PEX14: variants seen among roughly 807,000 people sequenced by gnomAD.
PEX14 encodes the protein peroxisomal biogenesis factor 14, also known as peroxisomal membrane protein PEX14.
In PEX14, 15 loss-of-function variants were observed where a neutral mutation model predicts 49.5. The ratio of observed to expected loss-of-function variants is 0.30; its 90% confidence interval spans 0.20 to 0.47. The LOEUF (loss-of-function observed/expected upper bound fraction) is 0.47. Among genes scored for constraint, PEX14 ranks in the 20% least tolerant of loss-of-function variants. PEX14 has a pLI of 1.00. For synonymous variants in PEX14, 210 were observed against 212.7 expected (o/e 0.99, Z 0.11); for missense variants, 398 against 494.8 (o/e 0.80, Z 1.86).
intron 3 of PEX14, among the ~76,000 whole-genome samples, chr1:10,561,356 C>T (rs1264075643): frequency 1.2e-4 from 19 of 152,198 alleles, no homozygotes; most frequent in Admixed American, 1.2e-3. Context: ...TAGAACTGCC[C>T]TCTTGTCTCT....
At chr1:10,617,052 G>A (rs1466504427) in intron 4 of PEX14, 1 of 152,130 alleles carries the variant, frequency 6.6e-6, no homozygotes, top group Non-Finnish European at 1.5e-5. Flanking sequence ...CTGATCAGCA[G>A]TGGGACATGC....
intron 4 of PEX14, chr1:10,616,913 C>T (rs1384112218): frequency 6.6e-6 from 1 of 152,068 alleles, no homozygotes; most frequent in African/African-American, 2.4e-5. Flanking sequence ...TCCAGGAGTT[C>T]CGGGCTACGG....
At chr1:10,507,845 C>T (rs1435743717) in intron 2 of PEX14, among the ~76,000 whole-genome samples, 2 of 152,220 alleles carry the variant, frequency 1.3e-5, no homozygotes, top group Non-Finnish European at 2.9e-5. Context: ...CCACAAATTC[C>T]TCATTGTCAG....
chr1:10,579,860 G>T (rs573631993), intron 3 of PEX14, among the ~76,000 whole-genome samples: 1 of 151,898 alleles, frequency 6.6e-6, no homozygotes, highest in East Asian at 2.0e-4. Flanking sequence ...CCTGTATTTT[G>T]TGCCGACTTT....
At chr1:10,584,791 G>A (rs1329836798) in intron 3 of PEX14, among the ~76,000 whole-genome samples, 1 of 152,150 alleles carries the variant, frequency 6.6e-6, no homozygotes, top group African/African-American at 2.4e-5. Flanking sequence ...AAACACTAAA[G>A]GAGTTTTCAG....
At chr1:10,513,184 A>C (rs1641914232) in intron 2 of PEX14, among the ~76,000 whole-genome samples, 1 of 152,140 alleles carries the variant, frequency 6.6e-6, no homozygotes, top group Admixed American at 6.5e-5. Flanking sequence ...GATGGCTGTG[A>C]GTTTTGAAAG....
rs550006709 is a variant in PEX14 at position 10,597,388 on chromosome 1, C to T, written c.170-1850C>T. ...AAAGGGGTTCCCCTTCCTGTTTAGT[C>T]GGAGCGATCGGCAGTCACTACACAG... On this transcript the variant is annotated intron_variant, in intron 3 of 8. Transcript: ENST00000356607. This position sits in a 1 kb window ranked among gnomAD's most constrained non-coding sequence, Gnocchi z 5.7. 7.2e-5 allele frequency among the ~76,000 whole-genome samples: 11 copies of T among 152,278 alleles called. No homozygotes were observed. In the South Asian group the frequency reaches 1.9e-3, roughly 26 times the overall value.
intron 3 of PEX14, among the ~76,000 whole-genome samples, chr1:10,555,327 C>T (rs956934332): frequency 6.6e-6 from 1 of 152,096 alleles, no homozygotes; most frequent in Non-Finnish European, 1.5e-5. Context: ...ACTCTTCAGA[C>T]ACTCACTCGA....
At chr1:10,537,351 C>CCCCG (rs1312415241) in intron 3 of PEX14, among the ~76,000 whole-genome samples, 1 of 96,514 alleles carries the variant, frequency 1.0e-5, no homozygotes, top group African/African-American at 3.8e-5. Flanking sequence ...ACCCCCCCCC[C>CCCCG]CCGCCATCAT....
chr1:10,521,754 G>A (rs1439308740), intron 2 of PEX14, among the ~76,000 whole-genome samples: 2 of 152,180 alleles, frequency 1.3e-5, no homozygotes, highest in African/African-American at 4.8e-5. Context: ...GTGAGGTTGA[G>A]TGAATACCAT....
Position 10,629,918 on chromosome 1 carries a change from G to A in PEX14, c.1065G>A (p.Gly355=). Residue 355 remains glycine (G), a synonymous_variant, in exon 9 of 9, where the codon GGG becomes GGA. Coordinates refer to ENST00000356607, the MANE Select transcript of PEX14 (RefSeq NM_004565.3). The surrounding 1 kb of genome is among the most constrained non-coding windows in gnomAD (Gnocchi z 8.5). ...VQREDRRGGD[G]QINEQVEKLR... ...GGGAGGACCGCCGGGGCGGGGATGG[G>A]CAGATCAACGAGCAGGTGGAGAAGC... 7 of 1,613,220 alleles carry A rather than the reference G, an allele frequency of 4.3e-6. No homozygotes were observed. Among genetic ancestry groups the A allele is most frequent in the Non-Finnish European group, 5.9e-6 (7 of 1,179,860 alleles).
chr1:10,581,679 A>AT (rs767831917), intron 3 of PEX14, among the ~76,000 whole-genome samples: 77 of 151,150 alleles, frequency 5.1e-4, no homozygotes, highest in Non-Finnish European at 8.1e-4. Flanking sequence ...AATAATTGGG[A>AT]TTTTTTAATT....
chr1:10,510,123 C>T (rs903175686), intron 2 of PEX14, among the ~76,000 whole-genome samples: 2 of 152,094 alleles, frequency 1.3e-5, no homozygotes, highest in Non-Finnish European at 2.9e-5. Flanking sequence ...TTGACTAGAT[C>T]GATCCTTTCC....
At chr1:10,603,307 A>T (rs1421858204) in intron 4 of PEX14, among the ~76,000 whole-genome samples, 1 of 152,244 alleles carries the variant, frequency 6.6e-6, no homozygotes, top group East Asian at 1.9e-4. Context: ...GAAAGATAAG[A>T]TAAACTCTTA....
At chr1:10,520,148 C>CTTCTTTTTTTT (rs1553185419) in intron 2 of PEX14, among the ~76,000 whole-genome samples, 2 of 69,158 alleles carry the variant, frequency 2.9e-5, no homozygotes, top group African/African-American at 8.5e-5. Context: ...CCTTCTTCTT[C>CTTCTTTTTTTT]TTTTTTTTTT....
chr1:10,520,199 C>G (rs1294183067), intron 2 of PEX14, among the ~76,000 whole-genome samples: 1 of 144,344 alleles, frequency 6.9e-6, no homozygotes, highest in Admixed American at 7.4e-5. Flanking sequence ...ACTCTGTCAC[C>G]CCAGGCTGGA....
chr1:10,564,471 C>G (rs185178465), intron 3 of PEX14, among the ~76,000 whole-genome samples: 1 of 151,120 alleles, frequency 6.6e-6, no homozygotes, highest in East Asian at 1.9e-4. Context: ...CTGTCTCACT[C>G]TCTTGCCCAG....
chr1:10,577,068 T>G (rs1296159577), intron 3 of PEX14, among the ~76,000 whole-genome samples: 3 of 151,908 alleles, frequency 2.0e-5, no homozygotes, highest in African/African-American at 7.2e-5. Context: ...ATTATCAACT[T>G]TAATATGTAC....
intron 3 of PEX14, among the ~76,000 whole-genome samples, chr1:10,574,975 G>A (rs1640079639): frequency 6.6e-6 from 1 of 151,968 alleles, no homozygotes; most frequent in African/African-American, 2.4e-5. Flanking sequence ...AACCAGGTAT[G>A]GTGGTGTGCA....
Sources: gnomAD v4.1 joint callset for allele counts (sites outside exome capture counted in the v4.1 genomes callset) on GRCh38, gnomAD v4.1.1 for gene constraint, Gnocchi (gnomAD v3.1) non-coding constraint, MANE v1.5 for transcripts, NCBI Gene and HGNC (gene_info 2026-07-23, HGNC 2026-07-21) for gene names.